LIPC: variants seen among roughly 807,000 people sequenced by gnomAD.
LIPC encodes lipase C, hepatic type.
A neutral mutation model predicts 50.7 loss-of-function variants in LIPC; 44 were observed. The ratio of observed to expected loss-of-function variants is 0.87; its 90% CI spans 0.68 to 1.11. The LOEUF is 1.11. LIPC is among the 50% of genes most tolerant of loss of function. The pLI is 0.00. For synonymous variants in LIPC, 271 were observed against 256.4 expected (o/e 1.06, Z -0.54); for missense variants, 697 against 648.2 (o/e 1.08, Z -0.82).
intron 1 of LIPC, among the ~76,000 whole-genome samples, chr15:58,444,283 A>G (rs1304604616): frequency 6.6e-6 from 1 of 152,204 alleles, no homozygotes; most frequent in Non-Finnish European, 1.5e-5. Flanking sequence ...CTCGTGAGTG[A>G]GCCTATCCAC....
rs117852639 is a variant in LIPC at position 58,563,361 on chromosome 15, C to A, written c.1170-144C>A. ...CTGGCACACCTACTGCTAACTCTATCAATAGTCTGTTGAACACTAGTTTGG... is the reference window on the plus strand; with the variant it reads ...CTGGCACACCTACTGCTAACTCTATAAATAGTCTGTTGAACACTAGTTTGG... On this transcript the variant is annotated intron_variant, in intron 7 of 8. Transcript: ENST00000299022. The A allele has an allele frequency of 6.3e-3, 4,531 of 719,668 alleles. 28 individuals carry two copies. Among genetic ancestry groups the A allele is most frequent in the Non-Finnish European group, 8.9e-3 (3,578 of 403,116 alleles). The allele number at this position is 719,668 out of a possible 1,614,324, so 44.6% of individuals were successfully genotyped here.
At chr15:58,533,890 A>G (rs1405728606) in intron 1 of LIPC, among the ~76,000 whole-genome samples, 1 of 152,244 alleles carries the variant, frequency 6.6e-6, no homozygotes, top group Non-Finnish European at 1.5e-5. Flanking sequence ...AATTCTACAA[A>G]AAGCAAAATA....
chr15:58,558,569 T>C (rs1303575780), intron 6 of LIPC, among the ~76,000 whole-genome samples: 5 of 152,124 alleles, frequency 3.3e-5, no homozygotes, highest in African/African-American at 1.2e-4. Context: ...CCGCCTGAGC[T>C]CCACCTGTCA....
intron 1 of LIPC, among the ~76,000 whole-genome samples, chr15:58,469,180 G>T (rs950569836): frequency 6.7e-6 from 1 of 149,872 alleles, no homozygotes; most frequent in African/African-American, 2.5e-5. Context: ...TGTTGCCCAG[G>T]CTGGAGTGCA....
chr15:58,491,942 C>T (rs571446414), intron 1 of LIPC, among the ~76,000 whole-genome samples: 18 of 152,340 alleles, frequency 1.2e-4, no homozygotes, highest in Admixed American at 1.0e-3. Flanking sequence ...CACACTTTCA[C>T]ACATGACCTG....
chr15:58,495,354 T>A (rs1243465616), intron 1 of LIPC, among the ~76,000 whole-genome samples: 1 of 152,238 alleles, frequency 6.6e-6, no homozygotes, highest in Non-Finnish European at 1.5e-5. Context: ...AAACAAAGCC[T>A]ATGCAACCTT....
At chr15:58,565,597 C>T (rs1159766492) in intron 8 of LIPC, 2 of 1,105,330 alleles carry the variant, frequency 1.8e-6, no homozygotes, top group East Asian at 5.0e-5. Context: ...ACAGAAGTTA[C>T]ACAGCTTGAG....
At chr15:58,532,752 T>C (rs545461206) in intron 1 of LIPC, among the ~76,000 whole-genome samples, 11 of 152,152 alleles carry the variant, frequency 7.2e-5, no homozygotes, top group Non-Finnish European at 1.3e-4. Flanking sequence ...CCTGGTTCTC[T>C]CCCATGGAAG....
intron 2 of LIPC, 122 bp from the exon 3 acceptor site, chr15:58,541,663 G>A: frequency 1.0e-6 from 1 of 990,252 alleles, no homozygotes. Context: ...AATGTCAACT[G>A]TGCATGGCTG....
At chr15:58,537,230 G>A (rs918770039) in intron 1 of LIPC, among the ~76,000 whole-genome samples, 1 of 152,172 alleles carries the variant, frequency 6.6e-6, no homozygotes, top group Non-Finnish European at 1.5e-5. Context: ...CAGGCCTCTT[G>A]GCAGAGGTGT....
At chr15:58,490,774 C>T (rs372729305) in intron 1 of LIPC, among the ~76,000 whole-genome samples, 3 of 152,190 alleles carry the variant, frequency 2.0e-5, no homozygotes, top group Non-Finnish European at 4.4e-5. Context: ...GAAAGGGAGG[C>T]AGTGAGACGT....
At chr15:58,459,569 G>T (rs1894263580) in intron 1 of LIPC, among the ~76,000 whole-genome samples, 1 of 151,908 alleles carries the variant, frequency 6.6e-6, no homozygotes, top group South Asian at 2.1e-4. Context: ...ACGAGAGAGA[G>T]TCCACCAGCA....
chr15:58,468,073 T>TA (rs1295886158), intron 1 of LIPC, among the ~76,000 whole-genome samples: 3 of 152,306 alleles, frequency 2.0e-5, no homozygotes, highest in Non-Finnish European at 2.9e-5. Flanking sequence ...CGGTACATGA[T>TA]AAAAGCCCAG....
At chr15:58,565,195 A>T (rs2140960012) in intron 8 of LIPC, 1 of 1,535,654 alleles carries the variant, frequency 6.5e-7, no homozygotes, top group African/African-American at 1.4e-5. Flanking sequence ...CAACAGGATC[A>T]ATCTGGGAAG....
intron 1 of LIPC, among the ~76,000 whole-genome samples, chr15:58,462,776 C>T (rs1156481706): frequency 6.6e-6 from 1 of 152,146 alleles, no homozygotes; most frequent in African/African-American, 2.4e-5. Context: ...TCCTCCCAGG[C>T]AATCCTATAA....
chr15:58,470,693 G>T (rs571175684), intron 1 of LIPC, among the ~76,000 whole-genome samples: 1 of 149,794 alleles, frequency 6.7e-6, no homozygotes, highest in Non-Finnish European at 1.5e-5. Flanking sequence ...TCCGCCTCCC[G>T]GGTGCACACC....
intron 1 of LIPC, among the ~76,000 whole-genome samples, chr15:58,460,211 A>AAC (rs1894290975): frequency 6.6e-6 from 1 of 152,224 alleles, no homozygotes; most frequent in Non-Finnish European, 1.5e-5. Context: ...TCTGTCTTTA[A>AAC]GGATGTTTAT....
intron 1 of LIPC, among the ~76,000 whole-genome samples, chr15:58,493,478 TA>T (rs58375631): frequency 0.21 from 31,394 of 150,230 alleles, 4,436 homozygotes; most frequent in South Asian, 0.28. Context: ...AAAATATATA[TA>T]TATTTTTTTG....
chr15:58,563,621 T>C lies in LIPC; in HGVS notation c.1286T>C (p.Val429Ala). Residue 429 changes from valine (V) to alanine (A), a missense_variant, in exon 8 of 9, where the codon GTC (valine) becomes GCC (alanine). Transcript: ENST00000299022. Reference protein sequence around the residue: ...KWENSAVWANVWDTVQTIIPW... With the variant: ...KWENSAVWANAWDTVQTIIPW... ...GAAAACAGTGCAGTGTGGGCCAATG[T>C]CTGGGACACGGTCCAGACCATCATC... 6.2e-7 allele frequency: 1 copy of C among 1,614,202 alleles called. No individual in the cohort carries two copies. The highest frequency in any genetic ancestry group is 8.5e-7 in the Non-Finnish European group (1 of 1,180,012).
Sources: allele counts gnomAD v4.1 joint callset (sites outside exome capture counted in the v4.1 genomes callset), GRCh38; gene constraint gnomAD v4.1.1; transcripts MANE v1.5; gene names NCBI Gene and HGNC (gene_info 2026-07-23, HGNC 2026-07-21).